The following SLC5A4 variants were observed in gnomAD, a reference collection of about 807,000 sequenced individuals.
The protein encoded by SLC5A4 is solute carrier family 5 member 4, also known as probable glucose sensor protein SLC5A4.
SLC5A4 carries 55 observed loss-of-function variants against 70.3 expected under a neutral mutation model. That is an observed-to-expected ratio of 0.78 (90% CI 0.63 to 0.98). The LOEUF is 0.98. SLC5A4 is among the 50% of genes least tolerant of loss of function. The pLI is 0.00. For synonymous variants in SLC5A4, 268 were observed against 305.7 expected, an observed-to-expected ratio of 0.88 and a Z score of 1.29; for missense variants, 735 against 839.2, an observed-to-expected ratio of 0.88 and a Z score of 1.53.
At chr22:32,225,160 A>C (rs952185393) in intron 12 of SLC5A4, among the ~76,000 whole-genome samples, 5 of 152,248 alleles carry the variant, frequency 3.3e-5, no homozygotes, top group Non-Finnish European at 7.3e-5. Flanking sequence ...TTAAGGGTAC[A>C]TGATCCACAA....
chr22:32,260,525 A>AAAC, the SLC5A4 span, among the ~76,000 whole-genome samples: 322 of 150,492 alleles, frequency 2.1e-3, 4 homozygotes, highest in African/African-American at 7.6e-3. Flanking sequence ...AAAAAACAAA[A>AAAC]CCAAAAACAA....
chr22:32,270,507 CCACCG>C, the SLC5A4 span: 1 of 725,352 alleles, frequency 1.4e-6, no homozygotes, highest in South Asian at 1.5e-5. Context: ...CGGACAATGA[CCACCG>C]CAGACAGTGA....
the SLC5A4 span, among the ~76,000 whole-genome samples, chr22:32,351,206 G>C: frequency 6.6e-6 from 1 of 152,108 alleles, no homozygotes; most frequent in Non-Finnish European, 1.5e-5. Flanking sequence ...CATGCCTCTT[G>C]CCTATCTCCA....
the SLC5A4 span, among the ~76,000 whole-genome samples, chr22:32,308,507 G>C: frequency 9.2e-5 from 14 of 152,310 alleles, no homozygotes; most frequent in African/African-American, 2.6e-4. Flanking sequence ...TAGTCTGTTT[G>C]ACATGACCTG....
At chr22:32,299,649 T>G in the SLC5A4 span, among the ~76,000 whole-genome samples, 1 of 100,810 alleles carries the variant, frequency 9.9e-6, no homozygotes, top group Non-Finnish European at 2.1e-5. Context: ...CCTTCTTCTC[T>G]CAGCTCGTCA....
chr22:32,319,559 G>T, the SLC5A4 span, among the ~76,000 whole-genome samples: 1 of 152,156 alleles, frequency 6.6e-6, no homozygotes, highest in Non-Finnish European at 1.5e-5. Flanking sequence ...CTGCATAGCT[G>T]CAGGAGCCAA....
At chr22:32,288,031 T>G in the SLC5A4 span, among the ~76,000 whole-genome samples, 5 of 150,122 alleles carry the variant, frequency 3.3e-5, no homozygotes, top group African/African-American at 4.9e-5. Context: ...TTTTTTTTTT[T>G]TAGAGATGAG....
At chr22:32,326,818 G>A in the SLC5A4 span, among the ~76,000 whole-genome samples, 1 of 152,174 alleles carries the variant, frequency 6.6e-6, no homozygotes. Context: ...AGTGAGAAAG[G>A]CAGGAGGCTC....
At chr22:32,270,919 TG>T in the SLC5A4 span, 3 of 566,652 alleles carry the variant, frequency 5.3e-6, no homozygotes, top group Non-Finnish European at 1.0e-5. Flanking sequence ...GAGACCTCAG[TG>T]GCATGTTCAC....
chr22:32,259,097 A>G (rs1206183083), upstream of SLC5A4, among the ~76,000 whole-genome samples: 2 of 152,244 alleles, frequency 1.3e-5, no homozygotes, highest in African/African-American at 4.8e-5. Flanking sequence ...TTGCTAATTA[A>G]CAGGCAGAAA....
At chr22:32,306,255 G>C in the SLC5A4 span, among the ~76,000 whole-genome samples, 2 of 152,080 alleles carry the variant, frequency 1.3e-5, no homozygotes, top group Non-Finnish European at 2.9e-5. Context: ...CACGAGGTTA[G>C]GAGATCGAGA....
chr22:32,256,696 C>T (rs1363214037), upstream of SLC5A4, among the ~76,000 whole-genome samples: 3 of 152,212 alleles, frequency 2.0e-5, no homozygotes, highest in Non-Finnish European at 4.4e-5. Context: ...TGGTTTATTT[C>T]ACTTAGTATG....
At chr22:32,273,128 C>T in the SLC5A4 span, 2 of 455,460 alleles carry the variant, frequency 4.4e-6, no homozygotes, top group South Asian at 3.4e-5. Context: ...GATGTCGCTG[C>T]CACCACCACA....
chr22:32,307,326 G>A, the SLC5A4 span, among the ~76,000 whole-genome samples: 1 of 152,174 alleles, frequency 6.6e-6, no homozygotes, highest in African/African-American at 2.4e-5. Context: ...CCAGGGGTTT[G>A]GACTAGAAAC....
At chr22:32,220,852 A>G in intron 14 of SLC5A4, 68 bp downstream of exon 14, 2 of 1,029,360 alleles carry the variant, frequency 1.9e-6, no homozygotes, top group Non-Finnish European at 3.1e-6. Context: ...AATGACATTA[A>G]AAGAAAACCA....
the SLC5A4 span, among the ~76,000 whole-genome samples, chr22:32,333,206 C>A: frequency 2.7e-5 from 4 of 150,504 alleles, no homozygotes; most frequent in South Asian, 4.3e-4. Flanking sequence ...ACCCCCCCCC[C>A]AGAAGACTCA....
chr22:32,291,469 G>A, the SLC5A4 span, among the ~76,000 whole-genome samples: 25 of 152,256 alleles, frequency 1.6e-4, no homozygotes, highest in African/African-American at 5.5e-4. Context: ...GAGGCACTGC[G>A]CCGGGGTCAA....
the SLC5A4 span, among the ~76,000 whole-genome samples, chr22:32,305,562 C>T: frequency 1.1e-4 from 17 of 148,626 alleles, no homozygotes; most frequent in African/African-American, 4.3e-4. Context: ...CTCTGGGCCC[C>T]AGGTGAGGTG....
the SLC5A4 span, among the ~76,000 whole-genome samples, chr22:32,285,897 C>T: frequency 5.9e-5 from 9 of 151,990 alleles, no homozygotes; most frequent in Middle Eastern, 6.8e-3. Context: ...CTACCACGCC[C>T]GGCTTATTTT....
Sources: allele counts gnomAD v4.1 joint callset (sites outside exome capture counted in the v4.1 genomes callset), GRCh38; gene constraint gnomAD v4.1.1; transcripts MANE v1.5; gene names NCBI Gene and HGNC (gene_info 2026-07-23, HGNC 2026-07-21).